NGEF: variants seen among roughly 807,000 people sequenced by gnomAD.
NGEF encodes neuronal guanine nucleotide exchange factor, also known as ephexin-1.
NGEF carries 31 observed loss-of-function variants against 80.9 expected under a neutral mutation model. The observed-to-expected ratio is 0.38, with a 90% confidence interval of 0.29 to 0.52. The LOEUF is 0.52. Among genes scored for constraint, NGEF ranks in the 20% least tolerant of loss-of-function variants. The pLI is 0.84. For missense variants in NGEF, 709 were observed against 926.2 expected (o/e 0.77, Z 3.04); for synonymous variants, 371 against 370.2 (o/e 1.00, Z -0.03).
intron 14 of NGEF, among the ~76,000 whole-genome samples, chr2:232,880,324 G>A (rs1691455036): frequency 1.3e-5 from 2 of 152,228 alleles, no homozygotes; most frequent in South Asian, 4.1e-4. Context: ...TGGCCGATCT[G>A]TAGCATATCC....
At chr2:232,934,962 C>T (rs1228035258) in intron 3 of NGEF, among the ~76,000 whole-genome samples, 3 of 151,484 alleles carry the variant, frequency 2.0e-5, no homozygotes, top group African/African-American at 4.9e-5. Flanking sequence ...ATGCCAAGAT[C>T]GCACTACTGC....
Position 232,883,192 on chromosome 2 carries a change from T to C in NGEF, c.1757+119A>G, listed in dbSNP as rs531792273. The stretch of plus-strand genomic sequence containing the variant: ...GGTCTGGACGGGAAGGATGGGCAGG[T>C]CGGCTCCACACAGAGCGTGTGTGGT... On this transcript the variant is annotated intron_variant, in intron 12 of 14. Coordinates refer to ENST00000264051, the MANE Select transcript of NGEF (RefSeq NM_019850.3). 1.3e-5 allele frequency: 16 copies of C among 1,246,788 alleles called. No individual in the cohort carries two copies. In the African/African-American group the frequency reaches 2.3e-4, roughly 18 times the overall value. The allele number at this position is 1,246,788 out of a possible 1,614,324, so 77.2% of individuals were successfully genotyped here.
At chr2:232,950,399 A>T (rs1693653261) in intron 3 of NGEF, among the ~76,000 whole-genome samples, 1 of 152,222 alleles carries the variant, frequency 6.6e-6, no homozygotes, top group South Asian at 2.1e-4. Context: ...TTTGTAGATC[A>T]AATATCAGTG....
intron 5 of NGEF, among the ~76,000 whole-genome samples, chr2:232,907,173 A>T (rs1692582799): frequency 8.9e-6 from 1 of 112,122 alleles, no homozygotes; most frequent in African/African-American, 3.3e-5. Flanking sequence ...AAAAAAAAAA[A>T]GAAAAGAAAA....
At chr2:232,900,521 G>C (rs201058011) in intron 5 of NGEF, among the ~76,000 whole-genome samples, 543 of 46,828 alleles carry the variant, frequency 0.012, 72 homozygotes, top group African/African-American at 0.016. Context: ...CATTCACTTA[G>C]ACACATGCTC....
intron 5 of NGEF, among the ~76,000 whole-genome samples, 173 bp from the exon 6 acceptor site, chr2:232,895,089 C>T (rs534916786): frequency 3.9e-5 from 6 of 152,238 alleles, no homozygotes; most frequent in African/African-American, 9.6e-5. Flanking sequence ...CACCTGCGGC[C>T]GGGAATGGTA....
Position 232,930,388 on chromosome 2 carries a change from C to T in NGEF, c.384-3202G>A, listed in dbSNP as rs187442950. Among the ~76,000 whole-genome samples the T allele has an allele frequency of 1.8e-3, 274 of 151,830 alleles. 3 individuals carry two copies. The highest frequency in any genetic ancestry group is 6.5e-4 in the Non-Finnish European group (44 of 67,976). On this transcript the variant is annotated intron_variant, in intron 3 of 14. Transcript: ENST00000264051. ...AGGCTGGAGTGCAATGGCGCGATCT[C>T]GGCTTACTGCAACTTCTGCCTCCCG...
chr2:233,002,474 T>C (rs1207394780), intron 1 of NGEF, among the ~76,000 whole-genome samples: 1 of 152,056 alleles, frequency 6.6e-6, no homozygotes, highest in East Asian at 1.9e-4. Flanking sequence ...GGCCAGGAGT[T>C]CGAGACCAGC....
At chr2:232,979,307 G>A (rs908316592) in intron 1 of NGEF, among the ~76,000 whole-genome samples, 5 of 151,382 alleles carry the variant, frequency 3.3e-5, no homozygotes, top group African/African-American at 9.7e-5. Flanking sequence ...AGGAGGCTCT[G>A]AAACCCTGAG....
rs749595725 is a variant in NGEF at position 232,920,385 on chromosome 2, T to C, written c.727A>G (p.Ser243Gly). The C allele has an allele frequency of 6.2e-6, 10 of 1,614,012 alleles. No homozygotes were observed. The highest frequency in any genetic ancestry group is 1.1e-5 in the South Asian group (1 of 91,050). Reference protein sequence around the residue: ...RKTLPQICLLSNPHSRFNLWQ... With the variant: ...RKTLPQICLLGNPHSRFNLWQ... ...AGGTTGAACCTTGAGTGGGGGTTAC[T>C]GAGCAGGCAGATCTGGGGCAGAGTC... The change falls in exon 5 of 15, where the codon AGT becomes GGT. Residue 243 changes from serine to glycine, a missense_variant. Coordinates refer to ENST00000264051, the MANE Select transcript of NGEF (RefSeq NM_019850.3).
chr2:232,881,118 G>A, intron 14 of NGEF, 28 bp downstream of exon 14: 3 of 1,595,314 alleles, frequency 1.9e-6, no homozygotes, highest in Non-Finnish European at 2.6e-6. Context: ...TCCCCTGGGG[G>A]CCCCGAGGGG....
chr2:232,879,904 G>A lies in NGEF; in HGVS notation c.1943-225C>T, dbSNP rs147987812. Among the ~76,000 whole-genome samples the A allele has an allele frequency of 1.2e-4, 18 of 152,304 alleles. No homozygotes were observed. The East Asian group carries it at 1.5e-3, about 13-fold the overall frequency. The stretch of plus-strand genomic sequence containing the variant: ...ACCTGCACGGAACAAGGCCTGCTCC[G>A]TGCCACGCAGTTCCACGTTGACTTT... On this transcript the variant is annotated intron_variant, in intron 14 of 14. Transcript: ENST00000264051.
At chr2:232,930,045 A>C (rs1370670826) in intron 3 of NGEF, among the ~76,000 whole-genome samples, 1 of 152,074 alleles carries the variant, frequency 6.6e-6, no homozygotes, top group Non-Finnish European at 1.5e-5. Context: ...GGCCATGTGG[A>C]ATTGTGAGTC....
chr2:232,996,330 GACA>G (rs939491330), intron 1 of NGEF, among the ~76,000 whole-genome samples: 6 of 151,956 alleles, frequency 3.9e-5, no homozygotes, highest in African/African-American at 9.7e-5. Context: ...TTTGTCTCAA[GACA>G]ACAACAACAA....
At chr2:232,899,320 C>G (rs1420152254) in intron 5 of NGEF, among the ~76,000 whole-genome samples, 1 of 152,138 alleles carries the variant, frequency 6.6e-6, no homozygotes, top group Non-Finnish European at 1.5e-5. Context: ...GTCTGAATCT[C>G]TGCTTGGTCT....
At chr2:233,000,827 C>T (rs1694960737) in intron 1 of NGEF, among the ~76,000 whole-genome samples, 2 of 151,746 alleles carry the variant, frequency 1.3e-5, no homozygotes, top group African/African-American at 2.4e-5. Flanking sequence ...CATCATCACA[C>T]GGGGGGTTAG....
chr2:232,893,779 A>G (rs923094569), intron 6 of NGEF, among the ~76,000 whole-genome samples: 2 of 152,212 alleles, frequency 1.3e-5, no homozygotes, highest in Non-Finnish European at 2.9e-5. Context: ...CTGTCTCAAA[A>G]AAAATAAAAA....
At chr2:232,891,652 G>A (rs1024280798) in intron 7 of NGEF, among the ~76,000 whole-genome samples, 165 bp from the exon 8 acceptor site, 2 of 152,154 alleles carry the variant, frequency 1.3e-5, no homozygotes, top group East Asian at 1.9e-4. Flanking sequence ...GACTGTTCAC[G>A]TAAAAGTCAA....
At chr2:232,925,330 G>A (rs1693037069) in intron 4 of NGEF, among the ~76,000 whole-genome samples, 1 of 152,244 alleles carries the variant, frequency 6.6e-6, no homozygotes, top group Admixed American at 6.5e-5. Context: ...CAGGTGAGAA[G>A]AGGGCGGGGG....
Sources: allele counts gnomAD v4.1 joint callset (sites outside exome capture counted in the v4.1 genomes callset), GRCh38; gene constraint gnomAD v4.1.1; transcripts MANE v1.5; gene names NCBI Gene and HGNC (gene_info 2026-07-23, HGNC 2026-07-21).